The following CSMD1 variants were observed in gnomAD, a reference collection of about 807,000 sequenced individuals.
The protein encoded by CSMD1 is CUB and Sushi multiple domains 1.
Under a neutral mutation model 417.5 loss-of-function variants are expected in CSMD1, and 213 were observed. The observed-to-expected ratio is 0.51, with a 90% CI of 0.46 to 0.57. CSMD1 has a LOEUF of 0.57. CSMD1 is among the 20% of genes least tolerant of loss of function. The pLI, the probability that CSMD1 is intolerant of heterozygous loss-of-function variation, is 0.00. For missense variants in CSMD1, 6,923 were observed against 4,529.7 expected (o/e 1.53, Z -15.17); for synonymous variants, 2,862 against 1,736.8 (o/e 1.65, Z -16.11).
At chr8:3,795,877 T>TCTATCATGTACAGATATAG (rs1800060116) in intron 5 of CSMD1, among the ~76,000 whole-genome samples, 1 of 82,170 alleles carries the variant, frequency 1.2e-5, no homozygotes, top group Non-Finnish European at 2.6e-5. Context: ...GATATAGATA[T>TCTATCATGTACAGATATAG]ATATCTATCA....
chr8:3,423,703 C>G (rs757053018), intron 12 of CSMD1, among the ~76,000 whole-genome samples: 1 of 152,256 alleles, frequency 6.6e-6, no homozygotes, highest in Admixed American at 6.5e-5. Flanking sequence ...ATGTTCCATC[C>G]CAGGTCTTTG....
At chr8:3,155,304 T>G (rs1421196349) in intron 39 of CSMD1, among the ~76,000 whole-genome samples, 2 of 151,192 alleles carry the variant, frequency 1.3e-5, no homozygotes, top group African/African-American at 4.8e-5. Context: ...AAAGGCAGTT[T>G]TAATTGTTTC....
At chr8:3,047,603 G>T (rs1183832095) in intron 50 of CSMD1, among the ~76,000 whole-genome samples, 1 of 152,122 alleles carries the variant, frequency 6.6e-6, no homozygotes, top group Non-Finnish European at 1.5e-5. Context: ...GGAATCCAGG[G>T]CACTTTGTTT....
At chr8:3,391,732 C>T (rs576926137) in intron 17 of CSMD1, among the ~76,000 whole-genome samples, 15 of 152,260 alleles carry the variant, frequency 9.9e-5, no homozygotes, top group East Asian at 3.9e-4. Flanking sequence ...CTTGTAGCAC[C>T]GCTGCAAATA....
At chr8:3,660,787 C>G (rs1012206722) in intron 7 of CSMD1, among the ~76,000 whole-genome samples, 1 of 152,132 alleles carries the variant, frequency 6.6e-6, no homozygotes, top group Non-Finnish European at 1.5e-5. Flanking sequence ...TCTCAAAGTG[C>G]TGGAATCACA....
At chr8:4,471,503 C>A (rs1357646909) in intron 2 of CSMD1, among the ~76,000 whole-genome samples, 1 of 152,088 alleles carries the variant, frequency 6.6e-6, no homozygotes, top group African/African-American at 2.4e-5. Flanking sequence ...GGCTCAGTGT[C>A]TGGGTGGTCA....
At chr8:4,014,027 G>A (rs984252992) in intron 4 of CSMD1, among the ~76,000 whole-genome samples, 13 of 152,048 alleles carry the variant, frequency 8.5e-5, no homozygotes, top group African/African-American at 3.1e-4. Flanking sequence ...AAGGACATAC[G>A]GAGAAATATT....
chr8:3,561,879 TCA>T lies in CSMD1; in HGVS notation c.1344+13064_1344+13065del, dbSNP rs1157017500. 2.0e-5 allele frequency among the ~76,000 whole-genome samples: 3 copies of T among 152,264 alleles called. No individual in the cohort carries two copies. In the East Asian group the frequency reaches 5.8e-4, roughly 29 times the overall value. On this transcript the variant is annotated intron_variant, in intron 10 of 69. Coordinates refer to ENST00000635120, the MANE Select transcript of CSMD1 (RefSeq NM_033225.6). ...CCTCCAGGAAGGCAGGGGCTAGCAT[TCA>T]CAGACAGAGGAAGCCATGCCCAGAG... is the stretch of plus-strand genomic sequence containing the variant.
intron 26 of CSMD1, among the ~76,000 whole-genome samples, chr8:3,263,855 G>C (rs1801253864): frequency 6.6e-6 from 1 of 152,128 alleles, no homozygotes; most frequent in Admixed American, 6.5e-5. Flanking sequence ...GGAAAACCAA[G>C]TATGTCTCTT....
intron 1 of CSMD1, among the ~76,000 whole-genome samples, chr8:4,842,347 A>C (rs569790369): frequency 6.6e-6 from 1 of 152,196 alleles, no homozygotes; most frequent in Non-Finnish European, 1.5e-5. Context: ...TTAATATCTG[A>C]CTTTGGCTTA....
At chr8:4,725,377 T>C (rs1042719891) in intron 1 of CSMD1, among the ~76,000 whole-genome samples, 13 of 152,328 alleles carry the variant, frequency 8.5e-5, no homozygotes, top group Admixed American at 8.5e-4. Context: ...AATAGTAATG[T>C]TGTTTTGCTT....
chr8:3,060,532 C>G (rs1051764632), intron 49 of CSMD1, among the ~76,000 whole-genome samples: 3 of 152,162 alleles, frequency 2.0e-5, no homozygotes, highest in Non-Finnish European at 4.4e-5. Flanking sequence ...AGACCACTTA[C>G]TTGGCTAGGA....
intron 18 of CSMD1, among the ~76,000 whole-genome samples, chr8:3,381,271 A>AG (rs1810611440): frequency 7.0e-6 from 1 of 143,386 alleles, no homozygotes; most frequent in South Asian, 3.2e-4. Context: ...TACCCACATG[A>AG]AAAAAAAAAG....
intron 12 of CSMD1, among the ~76,000 whole-genome samples, chr8:3,457,328 C>A (rs907964999): frequency 4.6e-5 from 7 of 152,184 alleles, no homozygotes; most frequent in Non-Finnish European, 8.8e-5. Flanking sequence ...ACATCACAAC[C>A]TTTTTGCCAA....
At chr8:3,392,507 G>T (rs991303846) in intron 17 of CSMD1, among the ~76,000 whole-genome samples, 1 of 151,912 alleles carries the variant, frequency 6.6e-6, no homozygotes, top group Non-Finnish European at 1.5e-5. Context: ...TTTCTCGCTG[G>T]ACTCATTGGT....
At chr8:4,231,062 G>A (rs1215160796) in intron 3 of CSMD1, among the ~76,000 whole-genome samples, 2 of 152,170 alleles carry the variant, frequency 1.3e-5, no homozygotes, top group Non-Finnish European at 2.9e-5. Flanking sequence ...ATTGGGGAAA[G>A]CGTTTTTACA....
chr8:4,727,750 T>C (rs529084209), intron 1 of CSMD1, among the ~76,000 whole-genome samples: 1 of 152,028 alleles, frequency 6.6e-6, no homozygotes, highest in African/African-American at 2.4e-5. Context: ...CTTCTCTGAA[T>C]CTCAGTTAAG....
chr8:4,264,634 C>G (rs891291731), intron 3 of CSMD1, among the ~76,000 whole-genome samples: 6 of 152,090 alleles, frequency 3.9e-5, no homozygotes, highest in Admixed American at 3.3e-4. Context: ...CACCTGCTGT[C>G]CCACCCAGGT....
chr8:4,371,842 C>A (rs908007637), intron 3 of CSMD1, among the ~76,000 whole-genome samples: 2 of 152,146 alleles, frequency 1.3e-5, no homozygotes, highest in Admixed American at 1.3e-4. Flanking sequence ...GTCAAGTAAA[C>A]TGAATTGATC....
Sources: allele counts gnomAD v4.1 joint callset (sites outside exome capture counted in the v4.1 genomes callset), GRCh38; gene constraint gnomAD v4.1.1; transcripts MANE v1.5; gene names NCBI Gene and HGNC (gene_info 2026-07-23, HGNC 2026-07-21).